The following GASK1A variants were observed in gnomAD, a reference collection of about 807,000 sequenced individuals.
GASK1A encodes the protein Golgi-associated kinase 1A.
A neutral mutation model predicts 41.2 loss-of-function variants in GASK1A; 40 were observed. The observed-to-expected ratio is 0.97, with a 90% CI of 0.75 to 1.27. The LOEUF is 1.27. GASK1A is among the 50% of genes most tolerant of loss of function. The pLI is 0.00. For synonymous variants in GASK1A, 316 were observed against 307.1 expected (o/e 1.03, Z -0.30); for missense variants, 678 against 745.1 (o/e 0.91, Z 1.05).
intron 2 of GASK1A, among the ~76,000 whole-genome samples, chr3:43,042,973 C>T (rs1219069150): frequency 6.6e-6 from 1 of 152,156 alleles, no homozygotes; most frequent in African/African-American, 2.4e-5. Flanking sequence ...CCGAGTAACT[C>T]CCTCCTCTTT....
intron 1 of GASK1A, among the ~76,000 whole-genome samples, chr3:42,985,468 A>G (rs919032655): frequency 3.9e-5 from 6 of 152,116 alleles, no homozygotes. Context: ...GACATTGTGT[A>G]GGGCAGAAAA....
chr3:43,036,657 C>T (rs1260751231), intron 2 of GASK1A, among the ~76,000 whole-genome samples: 2 of 152,124 alleles, frequency 1.3e-5, no homozygotes, highest in Admixed American at 6.5e-5. Context: ...TATTCTTGCT[C>T]CAGGATCTGT....
At chr3:42,989,177 G>T (rs2089328126) in intron 1 of GASK1A, among the ~76,000 whole-genome samples, 1 of 152,092 alleles carries the variant, frequency 6.6e-6, no homozygotes, top group South Asian at 2.1e-4. Context: ...AACTCTTACT[G>T]GCCAGGTGGA....
chr3:43,049,645 C>T (rs889816675), intron 2 of GASK1A, among the ~76,000 whole-genome samples: 3 of 152,270 alleles, frequency 2.0e-5, no homozygotes, highest in Non-Finnish European at 4.4e-5. Flanking sequence ...TCCATTTGGT[C>T]TACTGCCCTC....
At chr3:43,039,205 G>GTTTTTTTTTTT (rs1329284553) in intron 2 of GASK1A, among the ~76,000 whole-genome samples, 1 of 125,788 alleles carries the variant, frequency 7.9e-6, no homozygotes. Flanking sequence ...TTTTTTTTTG[G>GTTTTTTTTTTT]TTTTTTTTTT....
intron 1 of GASK1A, among the ~76,000 whole-genome samples, chr3:43,023,228 G>T (rs1001403243): frequency 4.6e-5 from 7 of 152,174 alleles, no homozygotes; most frequent in African/African-American, 1.7e-4. Flanking sequence ...GGAGACTGGA[G>T]TGATGTGACT....
intron 1 of GASK1A, among the ~76,000 whole-genome samples, chr3:43,028,546 G>A (rs1268092505): frequency 6.6e-6 from 1 of 152,206 alleles, no homozygotes; most frequent in Admixed American, 6.5e-5. Context: ...CTCTCTTGGT[G>A]GAAGTGTATG....
Position 43,056,275 on chromosome 3 carries a change from C to A in GASK1A, c.1617C>A (p.Gly539=). 6.4e-7 allele frequency: 1 copy of A among 1,551,654 alleles called. No homozygotes were observed. Among genetic ancestry groups the A allele is most frequent in the Non-Finnish European group, 8.7e-7 (1 of 1,146,982 alleles). The part of the protein sequence containing the change: ...QMDPVFWESQ[G]GAQGLKQVLQ... ...ACCCAGTGTTCTGGGAAAGCCAAGG[C>A]GGAGCCCAGGGGCTGAAGCAGGTCC... Residue 539 remains glycine, a synonymous_variant, in exon 5 of 5, where the codon GGC becomes GGA. Coordinates refer to ENST00000430121, the MANE Select transcript of GASK1A (RefSeq NM_001129908.3).
intron 1 of GASK1A, among the ~76,000 whole-genome samples, chr3:43,004,898 T>C (rs2089428373): frequency 6.6e-6 from 1 of 152,260 alleles, no homozygotes; most frequent in South Asian, 2.1e-4. Context: ...TGAGTCTTAT[T>C]TGGCTAAAAT....
chr3:43,056,290 G>A lies in GASK1A; in HGVS notation c.1632G>A (p.Leu544=). 6.4e-7 allele frequency: 1 copy of A among 1,551,728 alleles called. No homozygotes were observed. The highest frequency in any genetic ancestry group is 8.7e-7 in the Non-Finnish European group (1 of 1,147,002). The change falls in exon 5 of 5, where the codon CTG becomes CTA. Residue 544 remains leucine, a synonymous_variant. Coordinates refer to ENST00000430121, the MANE Select transcript of GASK1A (RefSeq NM_001129908.3). ...AAAGCCAAGGCGGAGCCCAGGGGCTGAAGCAGGTCCTCCAGACCCTGGAGC... is the reference window on the plus strand; with the variant it reads ...AAAGCCAAGGCGGAGCCCAGGGGCTAAAGCAGGTCCTCCAGACCCTGGAGC... ...FWESQGGAQG[L]KQVLQTLEQR... is the part of the protein sequence containing the mutation.
chr3:43,003,838 T>C (rs1479792691), intron 1 of GASK1A, among the ~76,000 whole-genome samples: 1 of 152,232 alleles, frequency 6.6e-6, no homozygotes, highest in Non-Finnish European at 1.5e-5. Flanking sequence ...ATTGGAAGGA[T>C]GTGCTCAGAT....
intron 3 of GASK1A, chr3:43,054,041 G>A (rs926047251): frequency 5.7e-6 from 2 of 349,220 alleles, no homozygotes; most frequent in Non-Finnish European, 1.1e-5. Flanking sequence ...TACGCTAGCA[G>A]CATTAGGGCA....
At chr3:43,031,662 G>T (rs1388787021) in intron 1 of GASK1A, among the ~76,000 whole-genome samples, 1 of 152,222 alleles carries the variant, frequency 6.6e-6, no homozygotes, top group Non-Finnish European at 1.5e-5. Flanking sequence ...TGTGCAACCG[G>T]CAGGGACGGC....
intron 2 of GASK1A, chr3:43,037,019 AAC>A (rs2089608065): frequency 4.5e-6 from 2 of 441,936 alleles, no homozygotes; most frequent in Non-Finnish European, 8.1e-6. Context: ...ATAGAAGACT[AAC>A]ACATGAGGCA....
At chr3:42,989,056 G>A (rs1246244482) in intron 1 of GASK1A, among the ~76,000 whole-genome samples, 2 of 152,248 alleles carry the variant, frequency 1.3e-5, no homozygotes, top group African/African-American at 2.4e-5. Context: ...CCCAAATACA[G>A]TCAAACCATA....
chr3:43,019,757 AACACAC>A lies in GASK1A; in HGVS notation c.4-12483_4-12478del, dbSNP rs148054172. ...AGAGTTAGACCCAAATTCCGTTTTT[AACACAC>A]ACACACACACACACACACACACACA... On this transcript the variant is annotated intron_variant, in intron 1 of 4. Transcript: ENST00000430121. 2.9e-3 allele frequency among the ~76,000 whole-genome samples: 421 copies of A among 146,562 alleles called. 1 individual carries two copies. Among genetic ancestry groups the A allele is most frequent in the African/African-American group, 9.2e-3 (366 of 39,758 alleles).
At chr3:43,047,248 T>G (rs1483813319) in intron 2 of GASK1A, among the ~76,000 whole-genome samples, 1 of 152,208 alleles carries the variant, frequency 6.6e-6, no homozygotes, top group Non-Finnish European at 1.5e-5. Flanking sequence ...GTCTCTATCC[T>G]GCAAAGCTAC....
chr3:43,028,365 C>A (rs758916801), intron 1 of GASK1A, among the ~76,000 whole-genome samples: 32 of 152,226 alleles, frequency 2.1e-4, no homozygotes, highest in Admixed American at 1.7e-3. Context: ...TTTGGAAGGC[C>A]CTTGGCCAAA....
intron 1 of GASK1A, among the ~76,000 whole-genome samples, chr3:43,026,381 A>G (rs1319628470): frequency 6.6e-6 from 1 of 152,238 alleles, no homozygotes; most frequent in Non-Finnish European, 1.5e-5. Flanking sequence ...AAAACAGTCC[A>G]GCATCTATGC....
Sources: gnomAD v4.1 joint callset for allele counts (sites outside exome capture counted in the v4.1 genomes callset) on GRCh38, gnomAD v4.1.1 for gene constraint, MANE v1.5 for transcripts, NCBI Gene and HGNC (gene_info 2026-07-23, HGNC 2026-07-21) for gene names.